Variants in MIPOL1 observed in about 807,000 individuals in gnomAD.
MIPOL1 encodes the protein mirror-image polydactyly 1, also known as mirror-image polydactyly gene 1 protein.
A neutral mutation model predicts 60.9 loss-of-function variants in MIPOL1; 57 were observed. That is an observed-to-expected ratio of 0.94 (90% CI 0.76 to 1.17). The LOEUF is 1.17. Ranked by LOEUF, MIPOL1 falls within the 50% of genes most tolerant of loss-of-function variation. The pLI is 0.00. For synonymous variants in MIPOL1, 179 were observed against 168.8 expected, an observed-to-expected ratio of 1.06 and a Z score of -0.47; for missense variants, 551 against 511.6, an observed-to-expected ratio of 1.08 and a Z score of -0.74.
In MIPOL1 at chr14:37,422,952, AAAATTCTTTTTAGCC is replaced by A. The variant is rs2093901129; in HGVS notation, c.1031+4_1031+18del. 1.3e-6 allele frequency: 2 copies of A among 1,581,390 alleles called. No individual in the cohort carries two copies. On this transcript the variant is annotated splice_donor_5th_base_variant and intron_variant, in intron 11 of 12. Coordinates refer to ENST00000684589, the MANE Select transcript of MIPOL1 (RefSeq NM_001388067.1). ...CAGACCCTTCGAGTTTACTACAGGT[AAAATTCTTTTTAGCC>A]TGGGGTTAAGTAAATATTGTTAGTT...
chr14:37,477,511 G>A (rs571814786), intron 11 of MIPOL1, among the ~76,000 whole-genome samples: 95 of 152,112 alleles, frequency 6.2e-4, no homozygotes, highest in Non-Finnish European at 1.1e-3. Context: ...GCATGGAGTT[G>A]TTCATAACGT....
intron 12 of MIPOL1, among the ~76,000 whole-genome samples, chr14:37,512,310 G>T (rs1414388264): frequency 6.6e-6 from 1 of 151,680 alleles, no homozygotes; most frequent in Non-Finnish European, 1.5e-5. Context: ...AGTTCTCTTC[G>T]AAGTGTCAAG....
chr14:37,538,968 C>T (rs1410966564), intron 12 of MIPOL1, among the ~76,000 whole-genome samples: 3 of 151,838 alleles, frequency 2.0e-5, no homozygotes, highest in Non-Finnish European at 2.9e-5. Context: ...TTTGGGAGGC[C>T]GAGGCAGGCG....
intron 12 of MIPOL1, among the ~76,000 whole-genome samples, chr14:37,512,703 TG>T (rs2095338271): frequency 6.6e-6 from 1 of 152,122 alleles, no homozygotes; most frequent in Non-Finnish European, 1.5e-5. Context: ...TTTGTTGGAC[TG>T]TAAGTGTCAA....
chr14:37,279,147 G>C (rs942137827), intron 6 of MIPOL1, among the ~76,000 whole-genome samples: 1 of 151,002 alleles, frequency 6.6e-6, no homozygotes, highest in Non-Finnish European at 1.5e-5. Context: ...TTTAACTGCT[G>C]TGAACCTTTA....
chr14:37,205,908 G>C (rs1966011446), intron 1 of MIPOL1, among the ~76,000 whole-genome samples: 1 of 152,090 alleles, frequency 6.6e-6, no homozygotes, highest in African/African-American at 2.4e-5. Flanking sequence ...TTGCTGTTGT[G>C]AATAGTACCA....
intron 9 of MIPOL1, among the ~76,000 whole-genome samples, chr14:37,356,617 T>G (rs963230907): frequency 6.6e-6 from 1 of 152,154 alleles, no homozygotes. Flanking sequence ...TGGTGAGCTG[T>G]TTTTTAAGCC....
At chr14:37,494,945 C>A (rs1434945673) in intron 11 of MIPOL1, among the ~76,000 whole-genome samples, 1 of 151,812 alleles carries the variant, frequency 6.6e-6, no homozygotes, top group East Asian at 1.9e-4. Context: ...CCAAACATGT[C>A]CATCTGAGAG....
At chr14:37,340,639 C>T (rs961021486) in intron 9 of MIPOL1, among the ~76,000 whole-genome samples, 5 of 149,872 alleles carry the variant, frequency 3.3e-5, no homozygotes, top group African/African-American at 1.2e-4. Context: ...ATTGAGGCTG[C>T]AGTGAGCTAT....
intron 1 of MIPOL1, among the ~76,000 whole-genome samples, chr14:37,215,316 G>A (rs943876691): frequency 2.0e-5 from 3 of 151,842 alleles, no homozygotes; most frequent in Non-Finnish European, 4.4e-5. Context: ...TGGTCTCTGT[G>A]TCTTGGTGGT....
chr14:37,473,616 A>G (rs2094722189), intron 11 of MIPOL1, among the ~76,000 whole-genome samples: 1 of 152,140 alleles, frequency 6.6e-6, no homozygotes, highest in South Asian at 2.1e-4. Flanking sequence ...TCACGGCACA[A>G]TTAAGGAAGT....
intron 12 of MIPOL1, among the ~76,000 whole-genome samples, chr14:37,542,621 T>G (rs1242382144): frequency 6.6e-6 from 1 of 152,158 alleles, no homozygotes. Context: ...CTTCTCATCC[T>G]TCAACACTTA....
At chr14:37,527,401 AT>A (rs1335418592) in intron 12 of MIPOL1, among the ~76,000 whole-genome samples, 8 of 152,040 alleles carry the variant, frequency 5.3e-5, no homozygotes, top group African/African-American at 1.2e-4. Flanking sequence ...CCGTTGTGTT[AT>A]TTTTTTCCAT....
intron 3 of MIPOL1, among the ~76,000 whole-genome samples, chr14:37,264,461 GA>G (rs57621029): frequency 0.042 from 5,994 of 144,354 alleles, 272 homozygotes; most frequent in African/African-American, 0.11. Flanking sequence ...CCCCATCTCT[GA>G]AAAAAAAAAA....
chr14:37,427,883 G>T (rs772887627), intron 11 of MIPOL1, among the ~76,000 whole-genome samples: 3 of 152,078 alleles, frequency 2.0e-5, no homozygotes, highest in African/African-American at 4.8e-5. Flanking sequence ...TAGAGGAAAT[G>T]AAAAGGTTCC....
chr14:37,244,775 A>C (rs1010925437), intron 1 of MIPOL1, among the ~76,000 whole-genome samples: 3 of 152,148 alleles, frequency 2.0e-5, no homozygotes, highest in African/African-American at 7.2e-5. Context: ...TTTTTGACTG[A>C]AAACAAATTC....
Position 37,530,704 on chromosome 14 carries a change from A to T in MIPOL1, c.1263-16201A>T, listed in dbSNP as rs72674235. On this transcript the variant is annotated intron_variant, in intron 12 of 12. Transcript: ENST00000684589. ...ATAATATGTAACTCCTCTACTGGGC[A>T]AACAGCAGATCACTTTCTGAAGTGA... Among the ~76,000 whole-genome samples, 968 of 152,354 alleles carry T rather than the reference A, an allele frequency of 6.4e-3. 4 individuals are homozygous for T. Among genetic ancestry groups the T allele is most frequent in the Non-Finnish European group, 0.01 (708 of 68,032 alleles).
At chr14:37,372,147 C>G (rs927051284) in intron 10 of MIPOL1, among the ~76,000 whole-genome samples, 2 of 151,774 alleles carry the variant, frequency 1.3e-5, no homozygotes, top group African/African-American at 4.8e-5. Context: ...AAAAACTGAG[C>G]AATTCATGGT....
chr14:37,356,917 A>C (rs1041846210), intron 9 of MIPOL1, among the ~76,000 whole-genome samples: 2 of 152,114 alleles, frequency 1.3e-5, no homozygotes, highest in African/African-American at 4.8e-5. Flanking sequence ...CTATTCGGCC[A>C]TCTTGGCTCC....
Sources: gnomAD v4.1 joint callset for allele counts (sites outside exome capture counted in the v4.1 genomes callset) on GRCh38, gnomAD v4.1.1 for gene constraint, MANE v1.5 for transcripts, NCBI Gene and HGNC (gene_info 2026-07-23, HGNC 2026-07-21) for gene names.